Variants in ROBO3 observed in about 807,000 individuals in gnomAD.
ROBO3 encodes the protein roundabout guidance receptor 3, also known as roundabout homolog 3.
Under a neutral mutation model 160.5 loss-of-function variants are expected in ROBO3, and 97 were observed. The observed-to-expected ratio is 0.60, with a 90% CI of 0.51 to 0.72. The LOEUF (loss-of-function observed/expected upper bound fraction) is 0.72, where lower values mean the gene tolerates loss of function less well. Ranked by LOEUF, ROBO3 falls within the 30% of genes least tolerant of loss-of-function variation. The pLI is 0.00. For missense variants in ROBO3, 1,858 were observed against 1,846.5 expected (o/e 1.01, Z -0.11); for synonymous variants, 780 against 746.2 (o/e 1.05, Z -0.74).
chr11:124,868,205 G>C (rs961385164), intron 1 of ROBO3, among the ~76,000 whole-genome samples: 1 of 152,180 alleles, frequency 6.6e-6, no homozygotes, highest in East Asian at 1.9e-4. Flanking sequence ...CGGGGTGTCA[G>C]TAAGAAGGGC....
rs1332940001 is a variant in ROBO3 at position 124,869,522 on chromosome 11, G to A, written c.560G>A (p.Cys187Tyr). The change falls in exon 3 of 28, where the codon TGC becomes TAC. Residue 187 changes from cysteine (C) to tyrosine (Y), a missense_variant. By Grantham distance (194) the Cys-to-Tyr change is radical. Coordinates refer to ENST00000397801, the MANE Select transcript of ROBO3 (RefSeq NM_022370.4). This position sits in a 1 kb window ranked among gnomAD's most constrained non-coding sequence, Gnocchi z 4.2. ...GTGGGGGAGCCAGCAGTACTGGAAT[G>A]CGTGCCCCCCCGCGGCCACCCGGAG... The part of the protein sequence containing the change: ...VAVGEPAVLE[C>Y]VPPRGHPEPS... 6.4e-7 allele frequency: 1 copy of A among 1,552,424 alleles called. No individual in the cohort carries two copies. Among genetic ancestry groups the A allele is most frequent in the Non-Finnish European group, 8.7e-7 (1 of 1,147,646 alleles).
rs995897571 is a variant in ROBO3 at position 124,878,712 on chromosome 11, A to G, written c.3449A>G (p.Gln1150Arg). The G allele has an allele frequency of 1.9e-6, 3 of 1,613,698 alleles. No individual in the cohort carries two copies. Among genetic ancestry groups the G allele is most frequent in the Non-Finnish European group, 2.5e-6 (3 of 1,179,804 alleles). ...CCCTCTCCCACACCTTCCTATGGAC[A>G]GCAGTCCACAGCCACTCTTACACCC... Reference protein sequence around the residue: ...ETPSPTPSYGQQSTATLTPSP... With the variant: ...ETPSPTPSYGRQSTATLTPSP... Residue 1150 changes from glutamine (Q) to arginine (R), a missense_variant, in exon 23 of 28, where the codon CAG becomes CGG. Coordinates refer to ENST00000397801, the MANE Select transcript of ROBO3 (RefSeq NM_022370.4). The surrounding 1 kb of genome is among the most constrained non-coding windows in gnomAD (Gnocchi z 4.3).
In ROBO3 at chr11:124,870,165, A is replaced by T. The variant is rs776381333; in HGVS notation, c.767A>T (p.Glu256Val). The change falls in exon 5 of 28, where the codon GAG (glutamate) becomes GTG (valine). Residue 256 changes from glutamate (E) to valine (V), a missense_variant and splice_region_variant. Glu to Val is a moderately radical substitution (Grantham distance 121, BLOSUM62 -2). Transcript: ENST00000397801. ...ESAAAEVMVL[E>V]RPSFLRRPVN... is the part of the protein sequence containing the mutation. ...CTGTTCACTCACTACCACTCCATAG[A>T]GCGTCCCTCATTCCTGCGCAGACCA... 1.5e-5 allele frequency: 24 copies of T among 1,613,980 alleles called. No individual in the cohort carries two copies. In the South Asian group the frequency reaches 2.5e-4, roughly 17 times the overall value.
intron 6 of ROBO3, 58 bp from the exon 7 acceptor site, chr11:124,870,956 A>T (rs1344715753): frequency 1.9e-6 from 3 of 1,582,974 alleles, no homozygotes; most frequent in South Asian, 2.3e-5. Flanking sequence ...CTGTTCCTGC[A>T]GTCTCCTTTC....
Position 124,878,894 on chromosome 11 carries a change from C to A in ROBO3, c.3533+98C>A, listed in dbSNP as rs1425920928. Reference sequence around the variant, plus strand: ...TGGATGGATGGATGGGTGGATGGATCTGGGGTACAGAGGTCTCAGGGCTGT... The same window carrying A: ...TGGATGGATGGATGGGTGGATGGATATGGGGTACAGAGGTCTCAGGGCTGT... On this transcript the variant is annotated intron_variant, in intron 23 of 27. Transcript: ENST00000397801. This position sits in a 1 kb window ranked among gnomAD's most constrained non-coding sequence, Gnocchi z 4.3. The A allele has an allele frequency of 1.8e-6, 2 of 1,088,214 alleles. No individual in the cohort carries two copies. The highest frequency in any genetic ancestry group is 2.7e-6 in the Non-Finnish European group (2 of 747,770). The allele number at this position is 1,088,214 out of a possible 1,614,324, so 67.4% of individuals were successfully genotyped here.
Position 124,879,869 on chromosome 11 carries a change from C to T in ROBO3, c.3879C>T (p.Ser1293=). ...TGAGGGCAGCAGGCAGCATGTCCTC[C>T]CTGGAGCGGGAGCGCAGTGGGGAGA... ...LELRAAGSMS[S]LERERSGERK... is the part of the protein sequence containing the mutation. Residue 1293 remains serine, a synonymous_variant, in exon 26 of 28, where the codon TCC becomes TCT. Coordinates refer to ENST00000397801, the MANE Select transcript of ROBO3 (RefSeq NM_022370.4). 2 of 1,613,362 alleles carry T rather than the reference C, an allele frequency of 1.2e-6. No homozygotes were observed. Among genetic ancestry groups the T allele is most frequent in the Non-Finnish European group, 1.7e-6 (2 of 1,179,732 alleles).
chr11:124,879,705 C>T, intron 25 of ROBO3, 82 bp from the exon 26 acceptor site: 1 of 1,584,610 alleles, frequency 6.3e-7, no homozygotes, highest in Non-Finnish European at 8.6e-7. Context: ...TTGGCAGCCT[C>T]CTGGTGCCAG....
chr11:124,868,469 C>T (rs1946232372), intron 1 of ROBO3: 4 of 591,702 alleles, frequency 6.8e-6, no homozygotes, highest in Non-Finnish European at 1.2e-5. Flanking sequence ...GCGGTCTACT[C>T]GCCAAGCGTG....
intron 7 of ROBO3, among the ~76,000 whole-genome samples, chr11:124,871,999 C>T (rs912637225): frequency 2.6e-5 from 4 of 152,170 alleles, no homozygotes; most frequent in Admixed American, 1.3e-4. Context: ...GGAATGAAAA[C>T]TGTTCAAGCA....
chr11:124,870,956 A>C (rs1344715753), intron 6 of ROBO3, 58 bp from the exon 7 acceptor site: 2 of 1,582,974 alleles, frequency 1.3e-6, no homozygotes, highest in Non-Finnish European at 1.7e-6. Flanking sequence ...CTGTTCCTGC[A>C]GTCTCCTTTC....
Position 124,868,755 on chromosome 11 carries a change from C to T in ROBO3, c.161-47C>T, listed in dbSNP as rs778965802. 5.2e-6 allele frequency: 8 copies of T among 1,536,196 alleles called. No individual in the cohort carries two copies. The African/African-American group carries it at 9.6e-5, about 18-fold the overall frequency. ...TTTCCCTCTGGAGCCTCAATCTCTC[C>T]CCACAATTTCCCTGTCTGAACGCTC... On this transcript the variant is annotated intron_variant, in intron 1 of 27. Transcript: ENST00000397801.
In ROBO3 at chr11:124,870,703, A is replaced by G. The variant is rs745623211; in HGVS notation, c.1008A>G (p.Glu336=). The G allele has an allele frequency of 6.2e-7, 1 of 1,612,272 alleles. No individual in the cohort carries two copies. Among genetic ancestry groups the G allele is most frequent in the South Asian group, 1.1e-5 (1 of 90,464 alleles). Residue 336 remains glutamate, a synonymous_variant, in exon 6 of 28, where the codon GAA becomes GAG. Coordinates refer to ENST00000397801, the MANE Select transcript of ROBO3 (RefSeq NM_022370.4). ...CGGAGAACAGTGTGGGCCGCGCTGA[A>G]GCATCTGGCTCCCTCAGTGTTCACG... ...CVAENSVGRA[E]ASGSLSVHVP...
intron 5 of ROBO3, 129 bp from the exon 6 acceptor site, chr11:124,870,472 G>A: frequency 1.3e-6 from 2 of 1,504,414 alleles, no homozygotes; most frequent in Admixed American, 2.0e-5. Context: ...ATGGGTCCAT[G>A]GGTAACCAGC....
chr11:124,875,732 G>T (rs373181784), intron 15 of ROBO3, 47 bp downstream of exon 15: 3 of 1,564,596 alleles, frequency 1.9e-6, no homozygotes, highest in South Asian at 2.4e-5. Flanking sequence ...GGCCGGGAGG[G>T]AGAGGGAGGA....
At position 124,869,393 on chromosome 11, in the gene ROBO3, T is replaced by A; in HGVS notation, c.488-57T>A. 11 of 1,439,980 alleles carry A rather than the reference T, an allele frequency of 7.6e-6. No individual in the cohort carries two copies. Among genetic ancestry groups the A allele is most frequent in the Non-Finnish European group, 1.1e-5 (11 of 1,047,512 alleles). The allele number at this position is 1,439,980 out of a possible 1,614,324, so 89.2% of individuals were successfully genotyped here. A position where few individuals can be genotyped will look rare whatever the true frequency, so the allele number is the denominator to read the frequency against. ...CCAAGACAACACTTTCCCTGTGTCC[T>A]CAGCCAGTTATGTCACTCTACACCC... is the stretch of plus-strand genomic sequence containing the variant. On this transcript the variant is annotated intron_variant, in intron 2 of 27. Coordinates refer to ENST00000397801, the MANE Select transcript of ROBO3 (RefSeq NM_022370.4). This position sits in a 1 kb window ranked among gnomAD's most constrained non-coding sequence, Gnocchi z 4.2.
At position 124,875,226 on chromosome 11, in the gene ROBO3, T is replaced by C. The variant is rs1946338093; in HGVS notation, c.2189T>C (p.Val730Ala). 6.2e-7 allele frequency: 1 copy of C among 1,613,706 alleles called. No individual in the cohort carries two copies. Among genetic ancestry groups the C allele is most frequent in the Non-Finnish European group, 8.5e-7 (1 of 1,179,832 alleles). The stretch of plus-strand genomic sequence containing the variant: ...CAGTCCCCAAGCCAGCAAAGTACTG[T>C]GCTAAGAGGACTCCCTCCAGGGACC... ...DLQSPSQQSTVLRGLPPGTQI... is the reference protein window; with the variant it reads ...DLQSPSQQSTALRGLPPGTQI... The change falls in exon 14 of 28, where the codon GTG becomes GCG. Residue 730 changes from valine (V) to alanine (A), a missense_variant. Coordinates refer to ENST00000397801, the MANE Select transcript of ROBO3 (RefSeq NM_022370.4).
At position 124,869,896 on chromosome 11, in the gene ROBO3, A is replaced by G; in HGVS notation, c.646-52A>G. The G allele has an allele frequency of 1.3e-6, 2 of 1,550,414 alleles. No individual in the cohort carries two copies. Among genetic ancestry groups the G allele is most frequent in the East Asian group, 2.4e-5 (1 of 40,968 alleles). Reference sequence around the variant, plus strand: ...ATATACACATATATTCACCATATATATATACGCTGTGATAGCTGAAATGGA... The same window carrying G: ...ATATACACATATATTCACCATATATGTATACGCTGTGATAGCTGAAATGGA... On this transcript the variant is annotated intron_variant, in intron 3 of 27. Coordinates refer to ENST00000397801, the MANE Select transcript of ROBO3 (RefSeq NM_022370.4). The surrounding 1 kb of genome is among the most constrained non-coding windows in gnomAD (Gnocchi z 4.2).
rs2135324780 is a variant in ROBO3 at position 124,869,045 on chromosome 11, G to A, written c.404G>A (p.Arg135Gln). 3 of 1,603,028 alleles carry A rather than the reference G, an allele frequency of 1.9e-6. No homozygotes were observed. Among genetic ancestry groups the A allele is most frequent in the Non-Finnish European group, 2.6e-6 (3 of 1,175,346 alleles). ...CGCATCGTGCACGGGCGCCGCGCGC[G>A]GCCGGACGAAGGTGTCTACACTTGC... ...FPRIVHGRRA[R>Q]PDEGVYTCVA... The change falls in exon 2 of 28, where the codon CGG becomes CAG. Residue 135 changes from arginine to glutamine, a missense_variant. Physicochemically the swap from Arg to Gln is conservative, Grantham distance 43. Transcript: ENST00000397801. This position sits in a 1 kb window ranked among gnomAD's most constrained non-coding sequence, Gnocchi z 4.2.
chr11:124,869,077 C>T lies in ROBO3; in HGVS notation c.436C>T (p.Arg146Cys), dbSNP rs1354313527. ...CGAAGGTGTCTACACTTGCGTGGCT[C>T]GCAACTACCTGGGGGCAGCAGCGAG... ...PDEGVYTCVA[R>C]NYLGAAASRN... The change falls in exon 2 of 28, where the codon CGC becomes TGC. Residue 146 changes from arginine to cysteine, a missense_variant. Transcript: ENST00000397801. The surrounding 1 kb of genome is among the most constrained non-coding windows in gnomAD (Gnocchi z 4.2). The T allele has an allele frequency of 6.3e-7, 1 of 1,596,336 alleles. No individual in the cohort carries two copies. Among genetic ancestry groups the T allele is most frequent in the South Asian group, 1.1e-5 (1 of 88,212 alleles).
Sources: allele counts gnomAD v4.1 joint callset (sites outside exome capture counted in the v4.1 genomes callset), GRCh38; gene constraint gnomAD v4.1.1; non-coding constraint Gnocchi (gnomAD v3.1); transcripts MANE v1.5; gene names NCBI Gene and HGNC (gene_info 2026-07-23, HGNC 2026-07-21).